Variants in PPP2R2A observed in about 807,000 individuals in gnomAD.
PPP2R2A encodes protein phosphatase 2 regulatory subunit Balpha, also known as serine/threonine-protein phosphatase 2A 55 kDa regulatory subunit B alpha isoform.
Under a neutral mutation model 53.2 loss-of-function variants are expected in PPP2R2A, and 9 were observed. That is an observed-to-expected ratio of 0.17 (90% CI 0.10 to 0.30). The LOEUF (loss-of-function observed/expected upper bound fraction) is 0.30, where lower values mean the gene tolerates loss of function less well. Among genes scored for constraint, PPP2R2A ranks in the 10% least tolerant of loss-of-function variants. The pLI, the probability that PPP2R2A is intolerant of heterozygous loss-of-function variation, is 1.00. For synonymous variants in PPP2R2A, 169 were observed against 174.2 expected, an observed-to-expected ratio of 0.97 and a Z score of 0.23; for missense variants, 235 against 534.6, an observed-to-expected ratio of 0.44 and a Z score of 5.53.
At chr8:26,304,460 A>C (rs1263021141) in intron 2 of PPP2R2A, among the ~76,000 whole-genome samples, 1 of 152,196 alleles carries the variant, frequency 6.6e-6, no homozygotes. Flanking sequence ...AAATTTTAAA[A>C]ATTTTCTAAA....
intron 2 of PPP2R2A, among the ~76,000 whole-genome samples, chr8:26,305,755 A>C (rs1476378636): frequency 6.6e-6 from 1 of 152,212 alleles, no homozygotes; most frequent in Non-Finnish European, 1.5e-5. Flanking sequence ...AATTTTACAG[A>C]TGATACTAGA....
At chr8:26,347,473 A>G (rs1409635766) in intron 3 of PPP2R2A, among the ~76,000 whole-genome samples, 1 of 151,496 alleles carries the variant, frequency 6.6e-6, no homozygotes, top group Non-Finnish European at 1.5e-5. Flanking sequence ...ATAAATAAGC[A>G]TTCCTCCTAT....
At chr8:26,299,084 G>A (rs1317846496) in intron 2 of PPP2R2A, among the ~76,000 whole-genome samples, 1 of 152,128 alleles carries the variant, frequency 6.6e-6, no homozygotes, top group Non-Finnish European at 1.5e-5. Context: ...GACCAGCCTG[G>A]ACAACATAGT....
chr8:26,306,686 A>G (rs1436712507), intron 2 of PPP2R2A, among the ~76,000 whole-genome samples: 2 of 152,106 alleles, frequency 1.3e-5, no homozygotes, highest in African/African-American at 2.4e-5. Context: ...AAAAAAATCT[A>G]ATAAAGGTTG....
At chr8:26,307,846 G>A (rs1345678272) in intron 2 of PPP2R2A, among the ~76,000 whole-genome samples, 1 of 152,196 alleles carries the variant, frequency 6.6e-6, no homozygotes, top group Non-Finnish European at 1.5e-5. Flanking sequence ...CTTGCTCAAA[G>A]TCACGTAGTT....
chr8:26,326,767 T>TA (rs1330753922), intron 2 of PPP2R2A, among the ~76,000 whole-genome samples: 2 of 152,234 alleles, frequency 1.3e-5, no homozygotes, highest in Non-Finnish European at 2.9e-5. Flanking sequence ...TGAAGTTAAT[T>TA]AGCCAGTTAA....
intron 3 of PPP2R2A, among the ~76,000 whole-genome samples, chr8:26,341,311 A>G (rs1029540011): frequency 6.6e-6 from 1 of 152,180 alleles, no homozygotes; most frequent in Non-Finnish European, 1.5e-5. Flanking sequence ...TGTCTTCAGA[A>G]TCTATGTCAT....
intron 9 of PPP2R2A, among the ~76,000 whole-genome samples, chr8:26,368,943 G>GA (rs1471638010): frequency 6.6e-6 from 1 of 151,618 alleles, no homozygotes; most frequent in Non-Finnish European, 1.5e-5. Flanking sequence ...TGTCTCTACT[G>GA]AAAATACAAA....
At chr8:26,308,048 A>G (rs998812348) in intron 2 of PPP2R2A, among the ~76,000 whole-genome samples, 16 of 152,376 alleles carry the variant, frequency 1.1e-4, no homozygotes, top group African/African-American at 3.4e-4. Context: ...CCCAGAGCAT[A>G]TAAAAGTTAT....
intron 2 of PPP2R2A, among the ~76,000 whole-genome samples, chr8:26,315,925 ACTTT>A (rs1195760318): frequency 6.6e-6 from 1 of 152,220 alleles, no homozygotes; most frequent in East Asian, 1.9e-4. Context: ...CTTGGTAATC[ACTTT>A]CTATGCAATA....
At chr8:26,312,975 T>C (rs1243177425) in intron 2 of PPP2R2A, among the ~76,000 whole-genome samples, 3 of 152,114 alleles carry the variant, frequency 2.0e-5, no homozygotes, top group Non-Finnish European at 4.4e-5. Context: ...CCTGTCCTCA[T>C]CTTGATCCAC....
At chr8:26,340,325 A>G (rs1000352148) in intron 3 of PPP2R2A, among the ~76,000 whole-genome samples, 3 of 151,992 alleles carry the variant, frequency 2.0e-5, no homozygotes, top group Admixed American at 1.3e-4. Flanking sequence ...AACTTTTGAC[A>G]TGTCGTTTTT....
chr8:26,318,170 C>T (rs1802655774), intron 2 of PPP2R2A, among the ~76,000 whole-genome samples: 1 of 152,184 alleles, frequency 6.6e-6, no homozygotes, highest in Admixed American at 6.5e-5. Context: ...TCTGCTACAG[C>T]TACTAATTCT....
At chr8:26,325,228 T>C (rs1803027079) in intron 2 of PPP2R2A, among the ~76,000 whole-genome samples, 1 of 151,874 alleles carries the variant, frequency 6.6e-6, no homozygotes, top group Non-Finnish European at 1.5e-5. Context: ...TTGTTGTGGG[T>C]GGACCCATGG....
In PPP2R2A at chr8:26,360,437, T is replaced by C. The variant is rs1202902379; in HGVS notation, c.459+156T>C. Among the ~76,000 whole-genome samples the C allele has an allele frequency of 6.6e-6, 1 of 152,166 alleles. No individual in the cohort carries two copies. The highest frequency in any genetic ancestry group is 1.5e-5 in the Non-Finnish European group (1 of 68,008). ...GGACATTGAGTAACTCATTTAAACATAGAAACTGACCTACATAGAGGTCTC... is the reference window on the plus strand; with the variant it reads ...GGACATTGAGTAACTCATTTAAACACAGAAACTGACCTACATAGAGGTCTC... On this transcript the variant is annotated intron_variant, in intron 5 of 9. Coordinates refer to ENST00000380737, the MANE Select transcript of PPP2R2A (RefSeq NM_002717.4). This position sits in a 1 kb window ranked among gnomAD's most constrained non-coding sequence, Gnocchi z 4.5.
At chr8:26,347,865 C>T (rs1433431798) in intron 3 of PPP2R2A, among the ~76,000 whole-genome samples, 4 of 152,092 alleles carry the variant, frequency 2.6e-5, no homozygotes, top group African/African-American at 7.2e-5. Flanking sequence ...CCATGACTAT[C>T]GTTATCATTA....
intron 7 of PPP2R2A, chr8:26,363,128 A>C (rs767755427): frequency 2.1e-5 from 5 of 237,990 alleles, no homozygotes; most frequent in Admixed American, 5.4e-5. Flanking sequence ...CCTTGTATTG[A>C]AGTAGAGCTG....
intron 3 of PPP2R2A, among the ~76,000 whole-genome samples, chr8:26,340,701 T>C (rs1388318295): frequency 6.6e-6 from 1 of 152,072 alleles, no homozygotes; most frequent in Non-Finnish European, 1.5e-5. Context: ...CAAAATCAAG[T>C]GTGGAAAAAA....
chr8:26,306,481 A>G (rs1802029311), intron 2 of PPP2R2A, among the ~76,000 whole-genome samples: 1 of 151,952 alleles, frequency 6.6e-6, no homozygotes. Context: ...GTCTGAAAAA[A>G]AAAAAAAAAA....
Sources: allele counts gnomAD v4.1 joint callset (sites outside exome capture counted in the v4.1 genomes callset), GRCh38; gene constraint gnomAD v4.1.1; non-coding constraint Gnocchi (gnomAD v3.1); transcripts MANE v1.5; gene names NCBI Gene and HGNC (gene_info 2026-07-23, HGNC 2026-07-21).